The following RBFOX1 variants were observed in gnomAD, a reference collection of about 807,000 sequenced individuals.
RBFOX1 encodes RNA binding protein fox-1 homolog 1.
RBFOX1 carries 8 observed loss-of-function variants against 57.7 expected under a neutral mutation model. That is an observed-to-expected ratio of 0.14 (90% confidence interval 0.08 to 0.25). The LOEUF (loss-of-function observed/expected upper bound fraction) is 0.25, where lower values mean the gene tolerates loss of function less well. RBFOX1 is among the 10% of genes least tolerant of loss of function. RBFOX1 has a pLI of 1.00. For synonymous variants in RBFOX1, 326 were observed against 222.4 expected, an observed-to-expected ratio of 1.47 and a Z score of -4.15; for missense variants, 611 against 548.5, an observed-to-expected ratio of 1.11 and a Z score of -1.14.
At position 5,393,495 on chromosome 16, in the gene RBFOX1, T is replaced by C. The variant is rs1022760511; in HGVS notation, c.220-73721T>C. On this transcript the variant is annotated intron_variant, in intron 1 of 2. Coordinates refer to the RBFOX1 transcript ENST00000585867. ...TGGAAGAGAGTGGGTAGGGAACTGGTGACCAGGGACATCCATTAGACTGTC... is the reference window on the plus strand; with the variant it reads ...TGGAAGAGAGTGGGTAGGGAACTGGCGACCAGGGACATCCATTAGACTGTC... Among the ~76,000 whole-genome samples, 5 of 152,250 alleles carry C rather than the reference T, an allele frequency of 3.3e-5. No homozygotes were observed. The South Asian group carries it at 1.0e-3, about 32-fold the overall frequency.
chr16:6,125,598 G>A lies in RBFOX1; in HGVS notation c.-127+105606G>A, dbSNP rs115831568. ...GTCAAGGATTAAATTCATGGGAATC[G>A]TGTACCCAAAGCAGATGCAGCCTCA... is the stretch of plus-strand genomic sequence containing the variant. On this transcript the variant is annotated intron_variant, in intron 1 of 15. Coordinates refer to ENST00000550418, the MANE Select transcript of RBFOX1 (RefSeq NM_018723.4). Among the ~76,000 whole-genome samples, 1,076 of 152,298 alleles carry A rather than the reference G, an allele frequency of 7.1e-3. 13 individuals carry two copies. Among genetic ancestry groups the A allele is most frequent in the African/African-American group, 0.024 (1,011 of 41,566 alleles).
chr16:6,555,516 A>G (rs904974861), intron 2 of RBFOX1, among the ~76,000 whole-genome samples: 1 of 152,038 alleles, frequency 6.6e-6, no homozygotes, highest in African/African-American at 2.4e-5. Context: ...TGGCTAACAC[A>G]GTGAAACCCC....
intron 4 of RBFOX1, among the ~76,000 whole-genome samples, chr16:5,876,589 C>T (rs921683723): frequency 6.6e-6 from 1 of 152,210 alleles, no homozygotes; most frequent in African/African-American, 2.4e-5. Context: ...ACAGCTAAAC[C>T]AGCCTCGTTG....
chr16:7,561,274 A>T (rs985971858), intron 5 of RBFOX1, among the ~76,000 whole-genome samples: 2 of 152,202 alleles, frequency 1.3e-5, no homozygotes, highest in Non-Finnish European at 2.9e-5. Flanking sequence ...TACCCCATGG[A>T]TGCTTTTATG....
At chr16:6,987,056 C>T (rs935203114) in intron 3 of RBFOX1, among the ~76,000 whole-genome samples, 23 of 152,204 alleles carry the variant, frequency 1.5e-4, no homozygotes, top group Admixed American at 1.2e-3. Flanking sequence ...GGAGAGCCTG[C>T]CCTCTTCCTG....
At chr16:5,653,813 C>T (rs760261708) in intron 3 of RBFOX1, among the ~76,000 whole-genome samples, 1 of 152,186 alleles carries the variant, frequency 6.6e-6, no homozygotes, top group Non-Finnish European at 1.5e-5. Context: ...GCCATATGTG[C>T]CCTCTTAGAA....
At chr16:5,784,203 C>A (rs941318194) in intron 3 of RBFOX1, among the ~76,000 whole-genome samples, 1 of 152,036 alleles carries the variant, frequency 6.6e-6, no homozygotes, top group African/African-American at 2.4e-5. Context: ...AGGTGGATCA[C>A]GAGGTCAGGA....
intron 1 of RBFOX1, among the ~76,000 whole-genome samples, chr16:6,022,612 G>A (rs1273322853): frequency 6.6e-6 from 1 of 152,154 alleles, no homozygotes; most frequent in Admixed American, 6.5e-5. Context: ...AGCCTGAGAA[G>A]GTTGAGGCTG....
intron 1 of RBFOX1, among the ~76,000 whole-genome samples, chr16:6,215,169 A>T (rs1321697695): frequency 8.8e-6 from 1 of 113,300 alleles, no homozygotes; most frequent in South Asian, 3.5e-4. Context: ...ACAGTGAGAG[A>T]GGGAGAGGGG....
intron 4 of RBFOX1, among the ~76,000 whole-genome samples, chr16:7,169,590 T>C (rs1482985466): frequency 6.6e-6 from 1 of 152,214 alleles, no homozygotes; most frequent in East Asian, 1.9e-4. Context: ...AACACATTCC[T>C]ACCAGGTAGG....
intron 1 of RBFOX1, among the ~76,000 whole-genome samples, chr16:6,024,802 T>C (rs2084876921): frequency 6.6e-6 from 1 of 152,236 alleles, no homozygotes; most frequent in Admixed American, 6.5e-5. Context: ...CCCTACTTTC[T>C]ATGAATTCCT....
intron 4 of RBFOX1, among the ~76,000 whole-genome samples, chr16:7,079,142 G>T (rs1024816618): frequency 1.3e-5 from 2 of 151,996 alleles, no homozygotes; most frequent in Non-Finnish European, 1.5e-5. Flanking sequence ...TACATTGTCT[G>T]TTGCTGTAGG....
At chr16:6,720,944 T>C (rs944240082) in intron 3 of RBFOX1, among the ~76,000 whole-genome samples, 1 of 152,132 alleles carries the variant, frequency 6.6e-6, no homozygotes, top group Non-Finnish European at 1.5e-5. Context: ...TCCAGGTACA[T>C]TAATACTGGG....
At chr16:6,144,664 G>A (rs1019844152) in intron 1 of RBFOX1, among the ~76,000 whole-genome samples, 3 of 152,232 alleles carry the variant, frequency 2.0e-5, no homozygotes, top group Non-Finnish European at 2.9e-5. Context: ...GTCTTCCGTG[G>A]AGAAGCACGA....
At chr16:5,716,676 A>G (rs2051712777) in intron 3 of RBFOX1, among the ~76,000 whole-genome samples, 1 of 152,244 alleles carries the variant, frequency 6.6e-6, no homozygotes, top group Non-Finnish European at 1.5e-5. Flanking sequence ...CAAAGACAGG[A>G]ATACCACTCT....
chr16:5,674,152 G>A (rs2050098200), intron 3 of RBFOX1, among the ~76,000 whole-genome samples: 1 of 152,154 alleles, frequency 6.6e-6, no homozygotes, highest in Admixed American at 6.5e-5. Context: ...TTGTTCTTAG[G>A]GTCTAGAAGT....
chr16:6,407,661 T>A (rs2152964295), intron 2 of RBFOX1, among the ~76,000 whole-genome samples: 1 of 152,054 alleles, frequency 6.6e-6, no homozygotes, highest in African/African-American at 2.4e-5. Context: ...GACTTATAGT[T>A]CCCAGGAGAG....
intron 3 of RBFOX1, among the ~76,000 whole-genome samples, chr16:5,783,764 C>G (rs1223758490): frequency 1.3e-5 from 2 of 152,208 alleles, no homozygotes; most frequent in African/African-American, 4.8e-5. Context: ...CCTCCCTTGT[C>G]ACGAAGAGGC....
At chr16:7,115,970 A>G (rs1055276225) in intron 4 of RBFOX1, among the ~76,000 whole-genome samples, 5 of 152,208 alleles carry the variant, frequency 3.3e-5, no homozygotes, top group Non-Finnish European at 7.3e-5. Flanking sequence ...ACCAAGGGTA[A>G]GGATAATGAA....
Sources: gnomAD v4.1 joint callset for allele counts (sites outside exome capture counted in the v4.1 genomes callset) on GRCh38, gnomAD v4.1.1 for gene constraint, MANE v1.5 for transcripts, NCBI Gene and HGNC (gene_info 2026-07-23, HGNC 2026-07-21) for gene names.